RGL1: variants seen among roughly 807,000 people sequenced by gnomAD.
RGL1 encodes ral guanine nucleotide dissociation stimulator-like 1.
In RGL1, 24 loss-of-function variants were observed where a neutral mutation model predicts 95.2. That is an observed-to-expected ratio of 0.25 (90% CI 0.18 to 0.35). RGL1 has a LOEUF of 0.35. Among genes scored for constraint, RGL1 ranks in the 10% least tolerant of loss-of-function variants. RGL1 has a pLI of 1.00. For synonymous variants in RGL1, 329 were observed against 344.9 expected, an observed-to-expected ratio of 0.95 and a Z score of 0.51; for missense variants, 715 against 936.3, an observed-to-expected ratio of 0.76 and a Z score of 3.08.
In RGL1 at chr1:183,824,795, T is replaced by C. The variant is rs549719054; in HGVS notation, c.138+18310T>C. On this transcript the variant is annotated intron_variant, in intron 2 of 17. Coordinates refer to ENST00000360851, the MANE Select transcript of RGL1 (RefSeq NM_001297671.3). ...TTCTTTCATTGCATATTTTAAATATTTGTCTCACCTTTCTTGAAGCCTCTT... is the reference window on the plus strand; with the variant it reads ...TTCTTTCATTGCATATTTTAAATATCTGTCTCACCTTTCTTGAAGCCTCTT... Among the ~76,000 whole-genome samples the C allele has an allele frequency of 1.3e-4, 20 of 152,348 alleles. No homozygotes were observed. The South Asian group carries it at 4.1e-3, about 32-fold the overall frequency.
At chr1:183,730,373 G>T (rs762271268) in intron 1 of RGL1, among the ~76,000 whole-genome samples, 2 of 152,092 alleles carry the variant, frequency 1.3e-5, no homozygotes, top group Non-Finnish European at 2.9e-5. Flanking sequence ...GTGCTAACAT[G>T]GTGTGTTTCG....
At chr1:183,658,593 G>GGCCT (rs1414114185) in intron 1 of RGL1, among the ~76,000 whole-genome samples, 6 of 152,118 alleles carry the variant, frequency 3.9e-5, no homozygotes, top group Non-Finnish European at 8.8e-5. Flanking sequence ...AGCTCAAGGA[G>GGCCT]GCCTGCCTGC....
chr1:183,651,198 G>A (rs1265147837), intron 1 of RGL1, among the ~76,000 whole-genome samples: 1 of 152,018 alleles, frequency 6.6e-6, no homozygotes, highest in African/African-American at 2.4e-5. Flanking sequence ...GCATAATTAA[G>A]TATTCCCCAT....
intron 2 of RGL1, among the ~76,000 whole-genome samples, chr1:183,776,003 A>C (rs1003239248): frequency 3.3e-5 from 5 of 152,250 alleles, no homozygotes; most frequent in African/African-American, 1.2e-4. Flanking sequence ...ATATTATTAA[A>C]TAAAACATCA....
At chr1:183,783,666 C>T (rs950359666) in intron 2 of RGL1, among the ~76,000 whole-genome samples, 1 of 152,068 alleles carries the variant, frequency 6.6e-6, no homozygotes, top group Non-Finnish European at 1.5e-5. Context: ...AGACATGGAT[C>T]TTATTCCCAA....
intron 2 of RGL1, among the ~76,000 whole-genome samples, chr1:183,758,598 T>C (rs919066445): frequency 2.0e-5 from 3 of 152,088 alleles, no homozygotes; most frequent in South Asian, 2.1e-4. Context: ...GAGTTACAGA[T>C]GGTGTCTTCT....
chr1:183,661,113 C>A (rs1443819085), intron 1 of RGL1, among the ~76,000 whole-genome samples: 7 of 151,968 alleles, frequency 4.6e-5, no homozygotes, highest in Non-Finnish European at 1.5e-5. Context: ...CAGGAAAGAT[C>A]CAAAATTGAC....
chr1:183,766,766 A>G (rs1344054872), intron 2 of RGL1, among the ~76,000 whole-genome samples: 3 of 152,160 alleles, frequency 2.0e-5, no homozygotes, highest in African/African-American at 7.2e-5. Context: ...AACCAATCCA[A>G]GTTTAAAAGG....
At chr1:183,753,644 C>G (rs957892148) in intron 2 of RGL1, among the ~76,000 whole-genome samples, 1 of 152,160 alleles carries the variant, frequency 6.6e-6, no homozygotes, top group Non-Finnish European at 1.5e-5. Flanking sequence ...AATAAACAAG[C>G]TGGCATTTTG....
At chr1:183,802,600 C>CA (rs34038144), upstream of RGL1, among the ~76,000 whole-genome samples, 2,657 of 90,030 alleles carry the variant, frequency 0.03, 98 homozygotes, top group African/African-American at 0.052. Flanking sequence ...GGTGTATCAG[C>CA]AAAAAAAAAA....
In RGL1 at chr1:183,691,955, A is replaced by G. The variant is rs1046421643; in HGVS notation, c.-32-50171A>G. ...TAAAGGGCCACTTCAGTGAATGTTC[A>G]AAATGTATTATCACTTCTGTGGTGA... On this transcript the variant is annotated intron_variant, in intron 1 of 18. Coordinates refer to the RGL1 transcript ENST00000304685. 3.3e-5 allele frequency among the ~76,000 whole-genome samples: 5 copies of G among 151,994 alleles called. 1 individual carries two copies. Among genetic ancestry groups the G allele is most frequent in the Admixed American group, 2.6e-4 (4 of 15,258 alleles).
intron 1 of RGL1, among the ~76,000 whole-genome samples, chr1:183,738,302 T>C (rs1657066345): frequency 6.6e-6 from 1 of 151,970 alleles, no homozygotes; most frequent in Non-Finnish European, 1.5e-5. Flanking sequence ...ATGCCTGTAA[T>C]CCCAGCTACT....
At chr1:183,640,974 A>G (rs1269881109) in intron 1 of RGL1, among the ~76,000 whole-genome samples, 1 of 152,146 alleles carries the variant, frequency 6.6e-6, no homozygotes. Context: ...TAAAAATCAT[A>G]TAGTTTCTAT....
chr1:183,637,632 C>T (rs996061990), intron 1 of RGL1, among the ~76,000 whole-genome samples: 5 of 152,076 alleles, frequency 3.3e-5, no homozygotes, highest in Non-Finnish European at 5.9e-5. Context: ...GGAATACATC[C>T]CTTTTTCTTG....
At chr1:183,737,262 A>G (rs1440349523) in intron 1 of RGL1, among the ~76,000 whole-genome samples, 1 of 152,226 alleles carries the variant, frequency 6.6e-6, no homozygotes, top group Non-Finnish European at 1.5e-5. Flanking sequence ...AACGTTTTCA[A>G]GATTAGCCTC....
At chr1:183,888,649 C>T in intron 8 of RGL1, 72 bp downstream of exon 8, 1 of 901,014 alleles carries the variant, frequency 1.1e-6, no homozygotes. Context: ...TCCTCACCTT[C>T]AAAGCTTGTA....
At chr1:183,754,777 A>C (rs562361915) in intron 2 of RGL1, 1 of 152,344 alleles carries the variant, frequency 6.6e-6, no homozygotes, top group African/African-American at 2.4e-5. Flanking sequence ...AATACTATGG[A>C]AAGTGAAATA....
chr1:183,813,464 C>T (rs1317137552), intron 2 of RGL1, among the ~76,000 whole-genome samples: 1 of 152,256 alleles, frequency 6.6e-6, no homozygotes, highest in African/African-American at 2.4e-5. Context: ...CCCTGCTTGA[C>T]TTCTCAGATT....
chr1:183,725,116 G>A (rs549560961), intron 1 of RGL1, among the ~76,000 whole-genome samples: 2 of 152,246 alleles, frequency 1.3e-5, no homozygotes, highest in East Asian at 3.9e-4. Context: ...TCATCAAGGC[G>A]GTACCTCTAT....
Sources: gnomAD v4.1 joint callset for allele counts (sites outside exome capture counted in the v4.1 genomes callset) on GRCh38, gnomAD v4.1.1 for gene constraint, MANE v1.5 for transcripts, NCBI Gene and HGNC (gene_info 2026-07-23, HGNC 2026-07-21) for gene names.